RFFL: variants seen among roughly 807,000 people sequenced by gnomAD.
The protein encoded by RFFL is ring finger and FYVE like domain containing E3 ubiquitin protein ligase.
RFFL carries 16 observed loss-of-function variants against 40.4 expected under a neutral mutation model. That is an observed-to-expected ratio of 0.40 (90% CI 0.27 to 0.60). RFFL has a LOEUF of 0.60. Ranked by LOEUF, RFFL falls within the 20% of genes least tolerant of loss-of-function variation. The pLI is 0.47. For synonymous variants in RFFL, 154 were observed against 167.9 expected (o/e 0.92, Z 0.64); for missense variants, 367 against 451.7 (o/e 0.81, Z 1.70).
rs1255679135 is a variant in RFFL at position 35,010,078 on chromosome 17, A to G, written c.*1890T>C. 1 of 144,368 alleles carries G rather than the reference A, an allele frequency of 6.9e-6. No individual in the cohort carries two copies. The highest frequency in any genetic ancestry group is 1.5e-5 in the Non-Finnish European group (1 of 67,860). 8.9% of individuals were successfully genotyped at this position (144,368 alleles called of 1,614,324 possible). A position where few individuals can be genotyped will look rare whatever the true frequency, so the allele number is the denominator to read the frequency against. Reference sequence around the variant, plus strand: ...AGGTAAGTGGCCCAGTGTTCAGTTGACTAGTTTATGCAGTTATTTCATTCC... The same window carrying G: ...AGGTAAGTGGCCCAGTGTTCAGTTGGCTAGTTTATGCAGTTATTTCATTCC... On this transcript the variant is annotated 3_prime_UTR_variant, in exon 7 of 7. Transcript: ENST00000394597.
intron 1 of RFFL, among the ~76,000 whole-genome samples, chr17:35,032,110 A>G: frequency 6.6e-6 from 1 of 151,686 alleles, no homozygotes; most frequent in East Asian, 1.9e-4. Context: ...AAAAAAAAAA[A>G]AGAAAAAGAA....
At position 35,021,738 on chromosome 17, in the gene RFFL, G is replaced by C. The variant is rs781337074; in HGVS notation, c.224C>G (p.Ser75Trp). Reference protein sequence around the residue: ...DCKKNFCMTCSSQVGNGPRLC... With the variant: ...DCKKNFCMTCWSQVGNGPRLC... ...GCGGGGCCCATTCCCTACTTGGCTC[G>C]AACAGGTCATGCAAAAATTTTTCTT... Residue 75 changes from serine to tryptophan, a missense_variant, in exon 3 of 7, where the codon TCG (serine) becomes TGG (tryptophan). Transcript: ENST00000394597. 2 of 1,614,162 alleles carry C rather than the reference G, an allele frequency of 1.2e-6. No homozygotes were observed. The highest frequency in any genetic ancestry group is 1.7e-6 in the Non-Finnish European group (2 of 1,180,032).
intron 1 of RFFL, among the ~76,000 whole-genome samples, chr17:35,045,365 T>G (rs2091192938): frequency 6.6e-6 from 1 of 151,954 alleles, no homozygotes; most frequent in Non-Finnish European, 1.5e-5. Flanking sequence ...CCTGAGTAGC[T>G]GGGATTACAG....
chr17:35,086,891 TAC>T (rs918169719), intron 1 of RFFL, among the ~76,000 whole-genome samples: 11 of 152,242 alleles, frequency 7.2e-5, no homozygotes, highest in Non-Finnish European at 1.3e-4. Flanking sequence ...TTCTTAGGTT[TAC>T]AGAGGTGTTC....
At chr17:35,021,916 T>C (rs550113971) in intron 2 of RFFL, 135 bp from the exon 3 acceptor site, 17 of 834,690 alleles carry the variant, frequency 2.0e-5, no homozygotes, top group South Asian at 1.2e-4. Context: ...CTCTCTCATA[T>C]ATCTAAGGGT....
intron 3 of RFFL, among the ~76,000 whole-genome samples, chr17:35,019,311 A>G (rs9913773): frequency 0.022 from 3,275 of 152,220 alleles, 117 homozygotes; most frequent in African/African-American, 0.074. Flanking sequence ...TGCAATCTGG[A>G]AATTTCTGGT....
chr17:35,057,129 G>A (rs2091266197), intron 1 of RFFL, among the ~76,000 whole-genome samples: 1 of 151,778 alleles, frequency 6.6e-6, no homozygotes. Context: ...ACGTTGACCA[G>A]GCTGGTCTCA....
intron 1 of RFFL, among the ~76,000 whole-genome samples, chr17:35,031,453 A>G (rs1310502621): frequency 6.6e-6 from 1 of 152,012 alleles, no homozygotes; most frequent in Non-Finnish European, 1.5e-5. Flanking sequence ...TGATGCATGC[A>G]ACTTTTACTG....
chr17:35,089,206 C>T (rs1273553786), exon 1 of RFFL: 2 of 151,998 alleles, frequency 1.3e-5, no homozygotes, highest in African/African-American at 2.4e-5. Context: ...CGGACTCCGC[C>T]GCGGCGGCGT....
intron 1 of RFFL, among the ~76,000 whole-genome samples, chr17:35,044,399 G>A (rs151098050): frequency 7.8e-4 from 119 of 152,224 alleles, no homozygotes; most frequent in African/African-American, 2.6e-3. Context: ...AATAAGTGTT[G>A]TCAGCCAGGC....
intron 1 of RFFL, among the ~76,000 whole-genome samples, chr17:35,037,340 A>G (rs1020324108): frequency 2.6e-5 from 4 of 152,180 alleles, no homozygotes; most frequent in African/African-American, 9.7e-5. Context: ...CACATTATGA[A>G]TCATTAGTAC....
chr17:35,052,301 C>A (rs1161448361), intron 1 of RFFL, among the ~76,000 whole-genome samples: 1 of 152,128 alleles, frequency 6.6e-6, no homozygotes, highest in African/African-American at 2.4e-5. Context: ...AAGCAATATA[C>A]TGACAAATTT....
In RFFL at chr17:35,008,451, T is replaced by TA. The variant is rs1381985567; in HGVS notation, c.*3516dup. On this transcript the variant is annotated 3_prime_UTR_variant, in exon 7 of 7. Coordinates refer to ENST00000394597, the MANE Select transcript of RFFL (RefSeq NM_001017368.2). ...TCAGTTGTCAATTTTTTTTTTTTTT[T>TA]AATACAGGGTCTCACTCTGTCACCC... 6.6e-6 allele frequency: 1 copy of TA among 151,756 alleles called. No individual in the cohort carries two copies. Among genetic ancestry groups the TA allele is most frequent in the Non-Finnish European group, 1.5e-5 (1 of 67,942 alleles). The allele number at this position is 151,756 out of a possible 1,614,324, so 9.4% of individuals were successfully genotyped here. A position where few individuals can be genotyped will look rare whatever the true frequency, so the allele number is the denominator to read the frequency against.
chr17:35,082,477 A>G (rs1400642344), intron 1 of RFFL, among the ~76,000 whole-genome samples: 1 of 152,028 alleles, frequency 6.6e-6, no homozygotes, highest in Non-Finnish European at 1.5e-5. Flanking sequence ...ACATGCCAAC[A>G]CTCCACTCAT....
At chr17:35,063,184 C>T (rs1024170185) in intron 1 of RFFL, among the ~76,000 whole-genome samples, 5 of 151,980 alleles carry the variant, frequency 3.3e-5, no homozygotes, top group African/African-American at 7.3e-5. Flanking sequence ...GGCCGGGGGC[C>T]GTGGCTCATG....
In RFFL at chr17:35,007,894, C is replaced by T. The variant is rs1241219641; in HGVS notation, c.*4074G>A. 1 of 152,244 alleles carries T rather than the reference C, an allele frequency of 6.6e-6. No individual in the cohort carries two copies. Among genetic ancestry groups the T allele is most frequent in the East Asian group, 1.9e-4 (1 of 5,200 alleles). The allele number at this position is 152,244 out of a possible 1,614,324, so 9.4% of individuals were successfully genotyped here. A position where few individuals can be genotyped will look rare whatever the true frequency, so the allele number is the denominator to read the frequency against. On this transcript the variant is annotated 3_prime_UTR_variant, in exon 7 of 7. Transcript: ENST00000394597. ...GACTTAACAAACAGGCACACACCAT[C>T]ACTCGCAGCTAAGTTTTTGTATTTT... is the stretch of plus-strand genomic sequence containing the variant.
At chr17:35,014,151 A>G (rs1597810721) in intron 6 of RFFL, among the ~76,000 whole-genome samples, 1 of 152,280 alleles carries the variant, frequency 6.6e-6, no homozygotes, top group East Asian at 1.9e-4. Flanking sequence ...GGAGTTCTGC[A>G]GTGTGTTCTG....
intron 1 of RFFL, among the ~76,000 whole-genome samples, chr17:35,037,948 A>G (rs1474404216): frequency 6.6e-6 from 1 of 152,212 alleles, no homozygotes; most frequent in Non-Finnish European, 1.5e-5. Context: ...CCACTGGAAT[A>G]GCTAAAATGA....
chr17:35,038,978 G>T (rs1345358987), intron 1 of RFFL, among the ~76,000 whole-genome samples: 12 of 152,116 alleles, frequency 7.9e-5, no homozygotes. Flanking sequence ...TTGCGACCAT[G>T]GCTCACTGTA....
Sources: gnomAD v4.1 joint callset for allele counts (sites outside exome capture counted in the v4.1 genomes callset) on GRCh38, gnomAD v4.1.1 for gene constraint, MANE v1.5 for transcripts, NCBI Gene and HGNC (gene_info 2026-07-23, HGNC 2026-07-21) for gene names.